The following TADA3 variants were observed in gnomAD, a reference collection of about 807,000 sequenced individuals.
TADA3 encodes the protein transcriptional adaptor 3.
In TADA3, 25 loss-of-function variants were observed where a neutral mutation model predicts 43.2. The ratio of observed to expected loss-of-function variants is 0.58; its 90% confidence interval spans 0.42 to 0.81. TADA3 has a LOEUF of 0.81. TADA3 is among the 30% of genes least tolerant of loss of function. The pLI is 0.00. For synonymous variants in TADA3, 235 were observed against 225.5 expected, an observed-to-expected ratio of 1.04 and a Z score of -0.38; for missense variants, 441 against 567.8, an observed-to-expected ratio of 0.78 and a Z score of 2.27.
chr3:9,783,040 A>G (rs1162683312), intron 8 of TADA3: 1 of 152,262 alleles, frequency 6.6e-6, no homozygotes, highest in Admixed American at 6.5e-5. Flanking sequence ...GATTCCCAAA[A>G]GAACATGTCC....
In TADA3 at chr3:9,780,129, T is replaced by G; in HGVS notation, c.*228A>C. ...AGAAACGAAGTCCCCTCCAACCCCA[T>G]CTCGGGGACCAAGCAGAGACTAGGC... is the stretch of plus-strand genomic sequence containing the variant. On this transcript the variant is annotated 3_prime_UTR_variant, in exon 9 of 9. Coordinates refer to ENST00000301964, the MANE Select transcript of TADA3 (RefSeq NM_006354.5). 2.3e-6 allele frequency: 1 copy of G among 442,546 alleles called. No individual in the cohort carries two copies. Among genetic ancestry groups the G allele is most frequent in the Non-Finnish European group, 4.0e-6 (1 of 249,884 alleles). 27.4% of individuals were successfully genotyped at this position (442,546 alleles called of 1,614,324 possible).
chr3:9,786,831 C>T (rs979878335), intron 6 of TADA3, among the ~76,000 whole-genome samples, 175 bp downstream of exon 6: 1 of 152,148 alleles, frequency 6.6e-6, no homozygotes, highest in Admixed American at 6.5e-5. Flanking sequence ...CTATTAGGTG[C>T]ACAAGTTATA....
intron 1 of TADA3, among the ~76,000 whole-genome samples, chr3:9,791,721 T>C (rs976686488): frequency 3.9e-5 from 6 of 152,244 alleles, no homozygotes; most frequent in East Asian, 1.9e-4. Context: ...ACAAGGACCA[T>C]TGTGATCTCG....
chr3:9,791,593 C>T, intron 1 of TADA3, 100 bp from the exon 2 acceptor site: 1 of 672,808 alleles, frequency 1.5e-6, no homozygotes, highest in Non-Finnish European at 2.5e-6. Context: ...CAGCTTCAGT[C>T]CCTTACTGAC....
intron 8 of TADA3, chr3:9,781,423 C>T (rs1004299801): frequency 2.3e-6 from 1 of 434,896 alleles, no homozygotes; most frequent in African/African-American, 2.0e-5. Context: ...AAATGAGGCT[C>T]AAAGATGATC....
At chr3:9,792,690 G>T, upstream of TADA3, 1 of 1,233,508 alleles carries the variant, frequency 8.1e-7, no homozygotes, top group Non-Finnish European at 1.0e-6. Flanking sequence ...GCCCCGCCGA[G>T]CGCCAGGAGC....
intron 8 of TADA3, chr3:9,781,717 GA>G: frequency 2.4e-6 from 1 of 417,066 alleles, no homozygotes; most frequent in Non-Finnish European, 5.0e-6. Context: ...TCCAGAAGGG[GA>G]AGGAGATGCT....
chr3:9,780,179 C>A lies in TADA3; in HGVS notation c.*178G>T, dbSNP rs1392743260. The A allele has an allele frequency of 1.0e-5, 6 of 584,106 alleles. No homozygotes were observed. The highest frequency in any genetic ancestry group is 7.5e-5 in the African/African-American group (4 of 53,302). The allele number at this position is 584,106 out of a possible 1,614,324, so 36.2% of individuals were successfully genotyped here. A position where few individuals can be genotyped will look rare whatever the true frequency, so the allele number is the denominator to read the frequency against. Reference sequence around the variant, plus strand: ...CCTCAGGCTAGCCCAGCAGGGCTTCCTGTGTCCTGGTTGTACAGAGCTAGG... The same window carrying A: ...CCTCAGGCTAGCCCAGCAGGGCTTCATGTGTCCTGGTTGTACAGAGCTAGG... On this transcript the variant is annotated 3_prime_UTR_variant, in exon 9 of 9. Transcript: ENST00000301964.
intron 8 of TADA3, among the ~76,000 whole-genome samples, chr3:9,781,993 C>A (rs1388644846): frequency 6.6e-6 from 1 of 151,958 alleles, no homozygotes; most frequent in Non-Finnish European, 1.5e-5. Flanking sequence ...TGCCACCATG[C>A]CTAGCTGATT....
At chr3:9,783,461 T>C (rs1034430053) in intron 8 of TADA3, 1 of 151,968 alleles carries the variant, frequency 6.6e-6, no homozygotes, top group Non-Finnish European at 1.5e-5. Flanking sequence ...ATACATTTTA[T>C]ATTATGCCTT....
chr3:9,780,390 C>T lies in TADA3; in HGVS notation c.1266G>A (p.Glu422=). Residue 422 remains glutamate, a synonymous_variant, in exon 9 of 9, where the codon GAG becomes GAA. Transcript: ENST00000301964. Reference sequence around the variant, plus strand: ...CCAGCAGCTTCAGGATGCTCTCACGCTCCTTCAGAGTCTTCCAGGCCTGGT... The same window carrying T: ...CCAGCAGCTTCAGGATGCTCTCACGTTCCTTCAGAGTCTTCCAGGCCTGGT... ...EKDQAWKTLK[E]RESILKLLDG The T allele has an allele frequency of 1.2e-6, 2 of 1,613,574 alleles. No individual in the cohort carries two copies. Among genetic ancestry groups the T allele is most frequent in the Non-Finnish European group, 1.7e-6 (2 of 1,179,878 alleles).
chr3:9,780,509 G>T lies in TADA3; in HGVS notation c.1147C>A (p.Arg383=). 1.2e-6 allele frequency: 2 copies of T among 1,607,228 alleles called. No homozygotes were observed. The change falls in exon 9 of 9, where the codon CGG becomes AGG. Residue 383 remains arginine, a synonymous_variant. Transcript: ENST00000301964. The part of the protein sequence containing the change: ...EEVSRQELRQ[R]VRMADNEVMD... ...ACCTCGTTGTCAGCCATGCGCACCCGCTGCCTCAGCTCCTGCCGGCTCACC... is the reference window on the plus strand; with the variant it reads ...ACCTCGTTGTCAGCCATGCGCACCCTCTGCCTCAGCTCCTGCCGGCTCACC...
chr3:9,781,676 C>A, intron 8 of TADA3: 1 of 434,022 alleles, frequency 2.3e-6, no homozygotes, highest in Non-Finnish European at 4.8e-6. Flanking sequence ...GCTGGAAGGT[C>A]ACTTAGTGAT....
rs2078582562 is a variant in TADA3, at chr3:9,785,351, T to C, written c.885A>G (p.Ala295=). Residue 295 remains alanine (A), a synonymous_variant, in exon 7 of 9, where the codon GCA becomes GCG. Transcript: ENST00000301964. ...TGTTCTGATTGCGAGGGGAGGTGCT[T>C]GCCCCGTCAGCCCCTGATTCTTTCC... is the stretch of plus-strand genomic sequence containing the variant. ...MSGKESGADG[A]STSPRNQNKP... 4 of 1,614,056 alleles carry C rather than the reference T, an allele frequency of 2.5e-6. No homozygotes were observed. The highest frequency in any genetic ancestry group is 3.4e-6 in the Non-Finnish European group (4 of 1,179,966).
Position 9,789,446 on chromosome 3 carries a change from C to A in TADA3, c.564+63G>T, listed in dbSNP as rs2078687941. 3.4e-6 allele frequency: 5 copies of A among 1,478,390 alleles called. No homozygotes were observed. The South Asian group carries it at 3.6e-5, about 11-fold the overall frequency. 91.6% of individuals were successfully genotyped at this position (1,478,390 alleles called of 1,614,324 possible). ...ATGATGCATGGCTTTGGTAGCTTTA[C>A]TTCTCAGGCACCTCTGAACTCTCTT... On this transcript the variant is annotated intron_variant, in intron 4 of 8. Coordinates refer to ENST00000301964, the MANE Select transcript of TADA3 (RefSeq NM_006354.5).
chr3:9,788,169 T>A (rs531355483), intron 4 of TADA3: 1 of 155,184 alleles, frequency 6.4e-6, no homozygotes, highest in African/African-American at 2.4e-5. Context: ...GGATTCTCCC[T>A]CAACATTTTT....
At chr3:9,790,667 G>T (rs186146137) in intron 2 of TADA3, among the ~76,000 whole-genome samples, 1 of 152,316 alleles carries the variant, frequency 6.6e-6, no homozygotes, top group East Asian at 1.9e-4. Flanking sequence ...AACATCTGAA[G>T]TACTTACTTA....
chr3:9,780,452 G>C lies in TADA3; in HGVS notation c.1204C>G (p.Arg402Gly), dbSNP rs770394657. ...MDAFRKIMAA[R>G]QKKRTPTKKE... is the part of the protein sequence containing the mutation. ...TTGGTGGGAGTCCGCTTCTTCTGCC[G>C]GGCAGCCATGATCTTGCGAAAGGCG... Residue 402 changes from arginine (R) to glycine (G), a missense_variant, in exon 9 of 9, where the codon CGG becomes GGG. Arg to Gly is a moderately radical substitution (Grantham distance 125, BLOSUM62 -2). Transcript: ENST00000301964. 6.2e-7 allele frequency: 1 copy of C among 1,611,800 alleles called. No homozygotes were observed. The highest frequency in any genetic ancestry group is 8.5e-7 in the Non-Finnish European group (1 of 1,179,758).
chr3:9,787,894 G>A lies in TADA3; in HGVS notation c.565-554C>T, dbSNP rs1247748814. On this transcript the variant is annotated intron_variant, in intron 4 of 8. Coordinates refer to ENST00000301964, the MANE Select transcript of TADA3 (RefSeq NM_006354.5). ...AAGGGTGAGTCAAGTCTGTCAAGGA[G>A]ACAAGAGGGAGAGAAGAGCTTGCCA... 1.3e-5 allele frequency: 5 copies of A among 388,854 alleles called. 1 individual carries two copies. Among genetic ancestry groups the A allele is most frequent in the East Asian group, 7.3e-5 (1 of 13,774 alleles). 24.1% of individuals were successfully genotyped at this position (388,854 alleles called of 1,614,324 possible).
Sources: gnomAD v4.1 joint callset for allele counts (sites outside exome capture counted in the v4.1 genomes callset) on GRCh38, gnomAD v4.1.1 for gene constraint, MANE v1.5 for transcripts, NCBI Gene and HGNC (gene_info 2026-07-23, HGNC 2026-07-21) for gene names.